The following CDHR2 variants were observed in gnomAD, a reference collection of about 807,000 sequenced individuals.
CDHR2 encodes the protein cadherin related family member 2.
CDHR2 carries 104 observed loss-of-function variants against 138.6 expected under a neutral mutation model. The ratio of observed to expected loss-of-function variants is 0.75; its 90% CI spans 0.64 to 0.88. The LOEUF is 0.88. Ranked by LOEUF, CDHR2 falls within the 40% of genes least tolerant of loss-of-function variation. The pLI is 0.00. For synonymous variants in CDHR2, 755 were observed against 742.8 expected (o/e 1.02, Z -0.27); for missense variants, 1,624 against 1,727.6 (o/e 0.94, Z 1.06).
At chr5:176,582,406 G>A (rs988641434) in intron 17 of CDHR2, among the ~76,000 whole-genome samples, 27 of 152,256 alleles carry the variant, frequency 1.8e-4, no homozygotes, top group African/African-American at 5.5e-4. Context: ...GGCCTCAAGC[G>A]ACCCTCTCAA....
chr5:176,590,601 G>C lies in CDHR2; in HGVS notation c.3453G>C (p.Gln1151His). 6.2e-7 allele frequency: 1 copy of C among 1,614,076 alleles called. No homozygotes were observed. The highest frequency in any genetic ancestry group is 8.5e-7 in the Non-Finnish European group (1 of 1,180,008). ...QESQESDLSKQLISVIIGLGV... is the reference protein window; with the variant it reads ...QESQESDLSKHLISVIIGLGV... ...GCCAGGAGTCAGACCTGTCGAAACA[G>C]CTCATCAGTGTCATCATAGGATTGG... The change falls in exon 28 of 32, where the codon CAG becomes CAC. Residue 1151 changes from glutamine (Q) to histidine (H), a missense_variant. Around this residue, in one of 3 missense-constraint regions of CDHR2, gnomAD observed 556 missense variants for 565.7 expected, o/e 0.98. Transcript: ENST00000261944.
chr5:176,551,084 C>T (rs1404697399), intron 1 of CDHR2, among the ~76,000 whole-genome samples: 1 of 152,222 alleles, frequency 6.6e-6, no homozygotes, highest in Non-Finnish European at 1.5e-5. Flanking sequence ...TCTCGGCTCA[C>T]TGCAACCTGT....
chr5:176,566,522 G>A (rs544944940), intron 3 of CDHR2, among the ~76,000 whole-genome samples: 10 of 152,326 alleles, frequency 6.6e-5, no homozygotes, highest in Admixed American at 5.2e-4. Flanking sequence ...GTGAATTACC[G>A]CCCCTCGTGG....
At chr5:176,580,680 G>T (rs1269155763) in intron 16 of CDHR2, among the ~76,000 whole-genome samples, 1 of 151,880 alleles carries the variant, frequency 6.6e-6, no homozygotes, top group African/African-American at 2.4e-5. Flanking sequence ...TTCAAGACCA[G>T]CCTGGCCAAC....
chr5:176,557,560 A>ATTT lies in CDHR2; in HGVS notation c.-15-7757_-15-7755dup, dbSNP rs5873538. ...TTCCTTTTTATTATCACCTTCTTAG[A>ATTT]TTTTTTTTTTTTTTTTTTTTTTTGA... On this transcript the variant is annotated intron_variant, in intron 1 of 31. Transcript: ENST00000261944. Among the ~76,000 whole-genome samples the ATTT allele has an allele frequency of 9.6e-3, 836 of 87,366 alleles. 22 individuals are homozygous for ATTT. The highest frequency in any genetic ancestry group is 0.031 in the African/African-American group (673 of 21,550). 57.3% of individuals were successfully genotyped at this position (87,366 alleles called of 152,430 possible). A position where few individuals can be genotyped will look rare whatever the true frequency, so the allele number is the denominator to read the frequency against.
rs1757518851 is a variant in CDHR2 at position 176,543,861 on chromosome 5, G to A, written c.-16+1092G>A. 6.6e-6 allele frequency: 1 copy of A among 152,482 alleles called. No individual in the cohort carries two copies. Among genetic ancestry groups the A allele is most frequent in the African/African-American group, 2.4e-5 (1 of 41,468 alleles). The allele number at this position is 152,482 out of a possible 1,614,324, so 9.4% of individuals were successfully genotyped here. A position where few individuals can be genotyped will look rare whatever the true frequency, so the allele number is the denominator to read the frequency against. ...GGAGACTCCAGTGACAACAAAACGAGGCGGCCGGCCGAGACATCGGGAGGG... is the reference window on the plus strand; with the variant it reads ...GGAGACTCCAGTGACAACAAAACGAAGCGGCCGGCCGAGACATCGGGAGGG... On this transcript the variant is annotated intron_variant, in intron 1 of 31. Coordinates refer to the CDHR2 transcript ENST00000510636. The surrounding 1 kb of genome is among the most constrained non-coding windows in gnomAD (Gnocchi z 4.0).
chr5:176,584,515 G>A lies in CDHR2; in HGVS notation c.2234G>A (p.Arg745Gln), dbSNP rs61743426. The A allele has an allele frequency of 8.8e-4, 1,423 of 1,613,680 alleles. 15 individuals are homozygous for A. The African/African-American group carries it at 0.015, about 18-fold the overall frequency. ...AGTGGTGCCAACTACTTCATGATCC[G>A]AGGCTTGGTGCTGGGGGCTGGGTGG... ...SGSGANYFMI[R>Q]GLVLGAGWAE... is the part of the protein sequence containing the mutation. The change falls in exon 19 of 32, where the codon CGA (arginine) becomes CAA (glutamine). Residue 745 changes from arginine (R) to glutamine (Q), a missense_variant. Coordinates refer to ENST00000261944, the MANE Select transcript of CDHR2 (RefSeq NM_017675.6).
intron 20 of CDHR2, among the ~76,000 whole-genome samples, 154 bp downstream of exon 20, chr5:176,586,179 C>T (rs549562544): frequency 2.0e-4 from 31 of 152,162 alleles, no homozygotes; most frequent in African/African-American, 7.2e-4. Flanking sequence ...TAGGAGAGGA[C>T]ATTGGAGTTT....
At position 176,568,755 on chromosome 5, in the gene CDHR2, T is replaced by C; in HGVS notation, c.202T>C (p.Tyr68His). 1 of 1,614,226 alleles carries C rather than the reference T, an allele frequency of 6.2e-7. No individual in the cohort carries two copies. Among genetic ancestry groups the C allele is most frequent in the African/African-American group, 1.3e-5 (1 of 75,076 alleles). Residue 68 changes from tyrosine (Y) to histidine (H), a missense_variant, in exon 4 of 32, where the codon TAC becomes CAC. By Grantham distance (83) the Tyr-to-His change is moderately conservative. Coordinates refer to ENST00000261944, the MANE Select transcript of CDHR2 (RefSeq NM_017675.6). ...CTATGGGATGAGCGGCCCCAATGCC[T>C]ACTTCTTCGCTGTCACTCCGAAAAC... ...LTYGMSGPNA[Y>H]FFAVTPKTGE...
At chr5:176,558,215 T>C (rs1315061521) in intron 1 of CDHR2, among the ~76,000 whole-genome samples, 2 of 964 alleles carry the variant, frequency 2.1e-3, no homozygotes, top group Non-Finnish European at 0.17. Flanking sequence ...TCTTTTCTTA[T>C]TTTTTTTTTT....
In CDHR2 at chr5:176,566,302, A is replaced by G. The variant is rs542734497; in HGVS notation, c.124+559A>G. 7.9e-5 allele frequency among the ~76,000 whole-genome samples: 12 copies of G among 152,348 alleles called. 1 individual carries two copies. In the South Asian group the frequency reaches 2.5e-3, roughly 32 times the overall value. ...AAGGAATGAGCACCAGGAACAGAAC[A>G]CAGACATAGCAATGGTCACGGCAAA... On this transcript the variant is annotated intron_variant, in intron 3 of 31. Coordinates refer to ENST00000261944, the MANE Select transcript of CDHR2 (RefSeq NM_017675.6).
upstream of CDHR2, among the ~76,000 whole-genome samples, chr5:176,548,533 A>G (rs1443798559): frequency 1.3e-5 from 2 of 152,168 alleles, no homozygotes; most frequent in Non-Finnish European, 2.9e-5. Flanking sequence ...TGAGGTTAGG[A>G]GTTCGAGACC....
intron 3 of CDHR2, chr5:176,566,872 A>T (rs758958420): frequency 1.4e-4 from 64 of 450,730 alleles, no homozygotes; most frequent in Admixed American, 2.6e-4. Context: ...CCTAGCTCAA[A>T]ATCTGGGGCT....
At position 176,586,810 on chromosome 5, in the gene CDHR2, G is replaced by T. The variant is rs142234507; in HGVS notation, c.2824G>T (p.Val942Leu). ...ACCTGCAGTGATCATCCCTGAACTC[G>T]TGCTGCCCAACCGGGAGGTGGCTTC... ...NKTFVIIPEL[V>L]LPNREVASVR... Residue 942 changes from valine (V) to leucine (L), a missense_variant, in exon 21 of 32, where the codon GTG becomes TTG. By Grantham distance (32) the Val-to-Leu change is conservative (BLOSUM62 1). Coordinates refer to ENST00000261944, the MANE Select transcript of CDHR2 (RefSeq NM_017675.6). 6.2e-7 allele frequency: 1 copy of T among 1,609,618 alleles called. No homozygotes were observed. Among genetic ancestry groups the T allele is most frequent in the African/African-American group, 1.3e-5 (1 of 74,998 alleles).
rs374899742 is a variant in CDHR2 at position 176,591,197 on chromosome 5, C to T, written c.3540-13C>T. 44 of 1,592,266 alleles carry T rather than the reference C, an allele frequency of 2.8e-5. No homozygotes were observed. The highest frequency in any genetic ancestry group is 1.1e-4 in the African/African-American group (8 of 74,606). On this transcript the variant is annotated splice_polypyrimidine_tract_variant and intron_variant, in intron 28 of 31. Coordinates refer to ENST00000261944, the MANE Select transcript of CDHR2 (RefSeq NM_017675.6). ...TGCAGCAACAGTGTGACCCCTCTTC[C>T]GGTTCCCCACAGCTACAACCGGAAG...
chr5:176,574,763 T>A (rs1758323837), intron 7 of CDHR2, among the ~76,000 whole-genome samples: 1 of 152,250 alleles, frequency 6.6e-6, no homozygotes. Flanking sequence ...GGAAAAAGTT[T>A]GTACACCTTC....
At position 176,593,746 on chromosome 5, in the gene CDHR2, C is replaced by T. The variant is rs183281146; in HGVS notation, c.3792+966C>T. 3.7e-3 allele frequency among the ~76,000 whole-genome samples: 562 copies of T among 152,270 alleles called. 2 individuals are homozygous for T. Among genetic ancestry groups the T allele is most frequent in the African/African-American group, 0.013 (533 of 41,538 alleles). ...ACTTCATGGTTCAGAATTTGTTTTC[C>T]CTGAGGACTCCTTACATGGAAAGAT... On this transcript the variant is annotated intron_variant, in intron 31 of 31. Coordinates refer to ENST00000261944, the MANE Select transcript of CDHR2 (RefSeq NM_017675.6).
intron 1 of CDHR2, among the ~76,000 whole-genome samples, chr5:176,563,453 T>G (rs1758012569): frequency 6.6e-6 from 1 of 152,048 alleles, no homozygotes; most frequent in African/African-American, 2.4e-5. Flanking sequence ...ATTTGGCTTT[T>G]CTCGAGGCCA....
In CDHR2 at chr5:176,589,191, G is replaced by A. The variant is rs764728036; in HGVS notation, c.3008+9G>A. On this transcript the variant is annotated intron_variant, in intron 22 of 31. Transcript: ENST00000261944. ...TTCGCTGGGAGCATTCAGTAACTGC[G>A]GGCGGCCCCGGGAGGGAGGTTGCGG... is the stretch of plus-strand genomic sequence containing the variant. 3.7e-6 allele frequency: 6 copies of A among 1,613,792 alleles called. No individual in the cohort carries two copies. The highest frequency in any genetic ancestry group is 1.3e-5 in the African/African-American group (1 of 74,908).
Sources: allele counts gnomAD v4.1 joint callset (sites outside exome capture counted in the v4.1 genomes callset), GRCh38; gene constraint gnomAD v4.1.1; regional missense constraint gnomAD v4.1.1; non-coding constraint Gnocchi (gnomAD v3.1); transcripts MANE v1.5; gene names NCBI Gene and HGNC (gene_info 2026-07-23, HGNC 2026-07-21).